FAM81B: variants seen among roughly 807,000 people sequenced by gnomAD.
FAM81B encodes the protein family with sequence similarity 81 member B.
In FAM81B, 60 loss-of-function variants were observed where a neutral mutation model predicts 58.7. The ratio of observed to expected loss-of-function variants is 1.02; its 90% confidence interval spans 0.83 to 1.27. FAM81B has a LOEUF of 1.27. Among genes scored for constraint, FAM81B ranks in the 50% most tolerant of loss-of-function variants. The probability of loss-of-function intolerance (pLI) is 0.00; values close to 1 mark genes in which losing one functional copy is unlikely to be tolerated. For missense variants in FAM81B, 491 were observed against 522.0 expected (o/e 0.94, Z 0.58); for synonymous variants, 189 against 179.6 (o/e 1.05, Z -0.42).
intron 4 of FAM81B, among the ~76,000 whole-genome samples, chr5:95,414,735 C>T (rs1457122313): frequency 6.6e-6 from 1 of 152,206 alleles, no homozygotes; most frequent in Admixed American, 6.5e-5. Context: ...TATTCCTATG[C>T]AACGTGCTTC....
At chr5:95,413,847 A>C in intron 3 of FAM81B, 100 bp from the exon 4 acceptor site, 1 of 1,491,792 alleles carries the variant, frequency 6.7e-7, no homozygotes, top group South Asian at 1.4e-5. Context: ...CTCACAGGGC[A>C]AAAATAAAGG....
chr5:95,406,695 C>T (rs1762255185), intron 3 of FAM81B, among the ~76,000 whole-genome samples: 1 of 152,188 alleles, frequency 6.6e-6, no homozygotes, highest in East Asian at 1.9e-4. Flanking sequence ...TTAAAATAGC[C>T]CCCACCACCC....
At chr5:95,428,793 C>G in intron 6 of FAM81B, 61 bp downstream of exon 6, 6 of 1,600,734 alleles carry the variant, frequency 3.7e-6, no homozygotes, top group Non-Finnish European at 4.3e-6. Context: ...ATCATTATAG[C>G]TTATCAAAAT....
chr5:95,391,386 T>C lies in FAM81B; in HGVS notation c.-4T>C. On this transcript the variant is annotated 5_prime_UTR_variant, in exon 1 of 10. Coordinates refer to ENST00000283357, the MANE Select transcript of FAM81B (RefSeq NM_152548.3). ...GCCCCAGAAACAGGAAGACCTTAGT[T>C]AGGATGCAATTACAATTCCTTGGTA... is the stretch of plus-strand genomic sequence containing the variant. The C allele has an allele frequency of 6.2e-7, 1 of 1,612,360 alleles. No individual in the cohort carries two copies. Among genetic ancestry groups the C allele is most frequent in the Non-Finnish European group, 8.5e-7 (1 of 1,179,154 alleles).
At position 95,428,606 on chromosome 5, in the gene FAM81B, T is replaced by C. The variant is rs781554523; in HGVS notation, c.660T>C (p.Cys220=). The C allele has an allele frequency of 6.2e-7, 1 of 1,613,872 alleles. No individual in the cohort carries two copies. The highest frequency in any genetic ancestry group is 2.2e-5 in the East Asian group (1 of 44,880). Residue 220 remains cysteine, a synonymous_variant, in exon 6 of 10, where the codon TGT becomes TGC. Coordinates refer to ENST00000283357, the MANE Select transcript of FAM81B (RefSeq NM_152548.3). ...CCAATTTCCATCTTGCCATTAGATG[T>C]GATTCAAGCATTGTGAAGCTTTCTG... ...VGDLRGRVAR[C]DSSIVKLSGD... is the part of the protein sequence containing the mutation.
intron 3 of FAM81B, among the ~76,000 whole-genome samples, chr5:95,401,913 A>C: frequency 6.6e-6 from 1 of 152,212 alleles, no homozygotes; most frequent in East Asian, 1.9e-4. Context: ...AAATCTGTTC[A>C]GATTCAGTTG....
rs1336166892 is a variant in FAM81B, at chr5:95,391,380, CTTAG to C, written c.-5_-2del. 1.2e-5 allele frequency: 19 copies of C among 1,611,434 alleles called. No homozygotes were observed. The highest frequency in any genetic ancestry group is 1.4e-5 in the Non-Finnish European group (17 of 1,178,762). Reference sequence around the variant, plus strand: ...GAAGAGGCCCCAGAAACAGGAAGACCTTAGTTAGGATGCAATTACAATTCCTTGG... The same window carrying C: ...GAAGAGGCCCCAGAAACAGGAAGACCTTAGGATGCAATTACAATTCCTTGG... On this transcript the variant is annotated 5_prime_UTR_variant, in exon 1 of 10. Coordinates refer to ENST00000283357, the MANE Select transcript of FAM81B (RefSeq NM_152548.3).
intron 4 of FAM81B, among the ~76,000 whole-genome samples, chr5:95,419,007 T>C (rs1326445717): frequency 1.3e-5 from 2 of 152,204 alleles, no homozygotes; most frequent in Non-Finnish European, 2.9e-5. Context: ...GGTAGCTATA[T>C]ACCTTTACTA....
rs763342818 is a variant in FAM81B at position 95,446,649 on chromosome 5, C to T, written c.981C>T (p.Asp327=). 34 of 1,612,776 alleles carry T rather than the reference C, an allele frequency of 2.1e-5. No individual in the cohort carries two copies. The highest frequency in any genetic ancestry group is 2.7e-5 in the Non-Finnish European group (32 of 1,179,718). ...ACCAATTTCTCAAATATAGAAAAGA[C>T]CACCTGGGCCATATAAATGAATGTC... is the stretch of plus-strand genomic sequence containing the variant. ...TENQFLKYRK[D]HLGHINECLK... The change falls in exon 8 of 10, where the codon GAC becomes GAT. Residue 327 remains aspartate (D), a synonymous_variant. Transcript: ENST00000283357.
At chr5:95,432,534 A>G (rs1358212689) in intron 6 of FAM81B, among the ~76,000 whole-genome samples, 1 of 151,972 alleles carries the variant, frequency 6.6e-6, no homozygotes, top group Non-Finnish European at 1.5e-5. Context: ...GCCCTTTGAT[A>G]GCTTTCATTT....
At position 95,408,357 on chromosome 5, in the gene FAM81B, G is replaced by A. The variant is rs144425770; in HGVS notation, c.294-5590G>A. ...TTCTAATTTACTTTGTTTACTTTTC[G>A]TTGAACTTCTGACTCTTTTGCTCAT... On this transcript the variant is annotated intron_variant, in intron 3 of 9. Coordinates refer to ENST00000283357, the MANE Select transcript of FAM81B (RefSeq NM_152548.3). Among the ~76,000 whole-genome samples, 640 of 152,166 alleles carry A rather than the reference G, an allele frequency of 4.2e-3. 3 individuals carry two copies. Among genetic ancestry groups the A allele is most frequent in the South Asian group, 0.012 (56 of 4,818 alleles).
At chr5:95,430,061 A>G (rs940876789) in intron 6 of FAM81B, among the ~76,000 whole-genome samples, 2 of 152,160 alleles carry the variant, frequency 1.3e-5, no homozygotes, top group Non-Finnish European at 2.9e-5. Context: ...CATTTCTATA[A>G]TGAAAGCTAT....
intron 4 of FAM81B, among the ~76,000 whole-genome samples, chr5:95,417,716 T>C (rs964270513): frequency 1.3e-5 from 2 of 152,186 alleles, no homozygotes; most frequent in African/African-American, 4.8e-5. Context: ...AGTATTTTCC[T>C]ATTTCTATGG....
chr5:95,441,609 T>TA (rs544364149), intron 7 of FAM81B, among the ~76,000 whole-genome samples: 4,330 of 146,886 alleles, frequency 0.029, 81 homozygotes, highest in Middle Eastern at 0.044. Flanking sequence ...GTCTGCAAAT[T>TA]AAAAAAAAAA....
rs1745569339 is a variant in FAM81B, at chr5:95,446,574, T to C, written c.906T>C (p.Leu302=). The C allele has an allele frequency of 1.9e-6, 3 of 1,589,988 alleles. No individual in the cohort carries two copies. The highest frequency in any genetic ancestry group is 1.7e-4 in the Middle Eastern group (1 of 5,806). ...TTTTTTCCCATAGATTTCATTCACT[T>C]TCAAGTAATCTGTACGAAGAAGTTG... ...MNLLEFKFHS[L]SSNLYEEVEN... is the part of the protein sequence containing the mutation. Residue 302 remains leucine, a synonymous_variant, in exon 8 of 10, where the codon CTT becomes CTC. Coordinates refer to ENST00000283357, the MANE Select transcript of FAM81B (RefSeq NM_152548.3).
chr5:95,403,678 C>T (rs993970005), intron 3 of FAM81B, among the ~76,000 whole-genome samples: 1 of 152,108 alleles, frequency 6.6e-6, no homozygotes, highest in African/African-American at 2.4e-5. Context: ...TCACAAGATG[C>T]CTTTGGTAGT....
chr5:95,424,601 A>C (rs919899236), intron 5 of FAM81B, among the ~76,000 whole-genome samples: 6 of 152,218 alleles, frequency 3.9e-5, no homozygotes, highest in African/African-American at 1.2e-4. Flanking sequence ...GAACCTAGAA[A>C]GCAGATGGAA....
At chr5:95,402,135 A>G (rs1195295793) in intron 3 of FAM81B, among the ~76,000 whole-genome samples, 1 of 152,210 alleles carries the variant, frequency 6.6e-6, no homozygotes, top group Non-Finnish European at 1.5e-5. Context: ...ACATCTTACT[A>G]CTAGGGAAAG....
At chr5:95,432,132 A>G (rs1357558749) in intron 6 of FAM81B, among the ~76,000 whole-genome samples, 2 of 152,068 alleles carry the variant, frequency 1.3e-5, no homozygotes, top group African/African-American at 4.8e-5. Flanking sequence ...AAAAACGATT[A>G]TTGAATTTTA....
Sources: gnomAD v4.1 joint callset for allele counts (sites outside exome capture counted in the v4.1 genomes callset) on GRCh38, gnomAD v4.1.1 for gene constraint, MANE v1.5 for transcripts, NCBI Gene and HGNC (gene_info 2026-07-23, HGNC 2026-07-21) for gene names.